Variants in CD226 observed in about 807,000 individuals in gnomAD.
CD226 encodes CD226 molecule.
Under a neutral mutation model 34.9 loss-of-function variants are expected in CD226, and 24 were observed. The ratio of observed to expected loss-of-function variants is 0.69; its 90% CI spans 0.50 to 0.97. The LOEUF (loss-of-function observed/expected upper bound fraction) is 0.97. Ranked by LOEUF, CD226 falls within the 50% of genes least tolerant of loss-of-function variation. The probability of loss-of-function intolerance (pLI) is 0.00; values close to 1 mark genes in which losing one functional copy is unlikely to be tolerated. For synonymous variants in CD226, 148 were observed against 147.4 expected (o/e 1.00, Z -0.03); for missense variants, 397 against 412.7 (o/e 0.96, Z 0.33).
upstream of CD226, chr18:69,957,304 T>A (rs1279709147): frequency 6.6e-6 from 1 of 152,114 alleles, no homozygotes; most frequent in Non-Finnish European, 1.5e-5. Context: ...GGCTTCCTTA[T>A]CTCTGCCCAT....
upstream of CD226, among the ~76,000 whole-genome samples, chr18:69,948,697 AGTT>A (rs2055820927): frequency 6.6e-6 from 1 of 152,164 alleles, no homozygotes; most frequent in East Asian, 1.9e-4. Flanking sequence ...TTGTGCCTCT[AGTT>A]GTTTTGTGAT....
intron 3 of CD226, among the ~76,000 whole-genome samples, chr18:69,876,619 C>T (rs554501304): frequency 6.6e-6 from 1 of 152,276 alleles, no homozygotes; most frequent in Non-Finnish European, 1.5e-5. Context: ...TGTTTTTTCT[C>T]TGCTCTCACA....
chr18:69,919,937 C>CA (rs1216729155), intron 2 of CD226, among the ~76,000 whole-genome samples: 2 of 150,506 alleles, frequency 1.3e-5, no homozygotes, highest in Admixed American at 1.3e-4. Flanking sequence ...AATCACAGGT[C>CA]ACTGAAGCCC....
chr18:69,934,462 T>C (rs1350400463), intron 2 of CD226, among the ~76,000 whole-genome samples: 1 of 152,220 alleles, frequency 6.6e-6, no homozygotes, highest in Non-Finnish European at 1.5e-5. Context: ...TTCTGCTCAT[T>C]AAATGGTGCA....
Position 69,863,363 on chromosome 18 carries a change from T to A in CD226, c.*951A>T, listed in dbSNP as rs910995958. ...GACAAAATATGTCCAAAACATTAAG[T>A]TATTTATTATTCGACTATCTACTAC... On this transcript the variant is annotated 3_prime_UTR_variant, in exon 6 of 6. Coordinates refer to ENST00000582621, the MANE Select transcript of CD226 (RefSeq NM_001303618.2). The A allele has an allele frequency of 1.3e-5, 2 of 152,138 alleles. No homozygotes were observed. The highest frequency in any genetic ancestry group is 2.9e-5 in the Non-Finnish European group (2 of 68,022). 9.4% of individuals were successfully genotyped at this position (152,138 alleles called of 1,614,324 possible). A position where few individuals can be genotyped will look rare whatever the true frequency, so the allele number is the denominator to read the frequency against.
chr18:69,946,193 A>G (rs2055788779), intron 2 of CD226, among the ~76,000 whole-genome samples: 1 of 144,512 alleles, frequency 6.9e-6, no homozygotes, highest in Admixed American at 7.5e-5. Context: ...AAAAAAAAAA[A>G]AAAAAAAAAA....
At chr18:69,900,663 C>T (rs1481946831) in intron 2 of CD226, among the ~76,000 whole-genome samples, 3 of 145,088 alleles carry the variant, frequency 2.1e-5, no homozygotes, top group South Asian at 4.4e-4. Flanking sequence ...ACCCGGGAGG[C>T]GGAGCTTGCA....
intron 2 of CD226, among the ~76,000 whole-genome samples, chr18:69,930,169 T>A (rs553703904): frequency 4.6e-5 from 7 of 152,226 alleles, no homozygotes; most frequent in East Asian, 3.9e-4. Context: ...AAATATTTTT[T>A]AAAAAATACA....
At chr18:69,891,017 C>CAAAAA (rs60491291) in intron 3 of CD226, among the ~76,000 whole-genome samples, 4 of 110,870 alleles carry the variant, frequency 3.6e-5, no homozygotes, top group South Asian at 3.0e-4. Flanking sequence ...AAAGACACCA[C>CAAAAA]AAAAAAAAAA....
intron 2 of CD226, among the ~76,000 whole-genome samples, chr18:69,926,929 T>C (rs1030341166): frequency 1.9e-4 from 29 of 152,170 alleles, no homozygotes; most frequent in African/African-American, 6.5e-4. Flanking sequence ...ACCAAAACAA[T>C]AGATAGCAGG....
At chr18:69,868,079 A>G (rs543986150) in intron 4 of CD226, among the ~76,000 whole-genome samples, 39 of 152,208 alleles carry the variant, frequency 2.6e-4, no homozygotes, top group Non-Finnish European at 2.8e-4. Context: ...CACAGTATTC[A>G]ATAAACGCTC....
At chr18:69,922,772 C>T (rs1332679177) in intron 2 of CD226, among the ~76,000 whole-genome samples, 1 of 152,182 alleles carries the variant, frequency 6.6e-6, no homozygotes, top group Non-Finnish European at 1.5e-5. Context: ...CCCAATTCCA[C>T]CCTCATACAG....
chr18:69,873,575 A>C (rs1983677537), intron 3 of CD226, among the ~76,000 whole-genome samples: 2 of 152,152 alleles, frequency 1.3e-5, no homozygotes, highest in Admixed American at 1.3e-4. Context: ...TAGAAAAAAA[A>C]AAACTATTAA....
rs931227396 is a variant in CD226, at chr18:69,860,773, A to T, written c.*3541T>A. ...TAATAGTAGCTAAACTAATGATGACATGTTTATATTGTCTTATATTTTTTA... is the reference window on the plus strand; with the variant it reads ...TAATAGTAGCTAAACTAATGATGACTTGTTTATATTGTCTTATATTTTTTA... On this transcript the variant is annotated 3_prime_UTR_variant, in exon 6 of 6. Transcript: ENST00000582621. The T allele has an allele frequency of 3.3e-5, 5 of 152,124 alleles. No individual in the cohort carries two copies. The highest frequency in any genetic ancestry group is 1.3e-4 in the Admixed American group (2 of 15,278). 9.4% of individuals were successfully genotyped at this position (152,124 alleles called of 1,614,324 possible).
At chr18:69,894,134 G>A (rs1490295530) in intron 3 of CD226, among the ~76,000 whole-genome samples, 4 of 151,058 alleles carry the variant, frequency 2.6e-5, no homozygotes, top group Admixed American at 1.3e-4. Flanking sequence ...AGATGGAAGA[G>A]AGTGAGGGAG....
At chr18:69,961,366 C>G (rs1329333098), upstream of CD226, among the ~76,000 whole-genome samples, 1 of 152,178 alleles carries the variant, frequency 6.6e-6, no homozygotes. Context: ...ATTTTATACT[C>G]TTTTACATTA....
intron 2 of CD226, among the ~76,000 whole-genome samples, chr18:69,904,466 C>T (rs959916403): frequency 2.6e-5 from 4 of 152,204 alleles, no homozygotes; most frequent in Non-Finnish European, 4.4e-5. Flanking sequence ...GGGGCAGCTC[C>T]GTGGAGCTCC....
chr18:69,936,381 C>T (rs1421603424), intron 2 of CD226, among the ~76,000 whole-genome samples: 1 of 152,214 alleles, frequency 6.6e-6, no homozygotes. Flanking sequence ...TGGTAACCAT[C>T]CACTTTCAGT....
rs1257135346 is a variant in CD226, at chr18:69,946,205, A to G, written c.382+529T>C. ...CAAAAAAAAAAAAAAAAAAAAAAAA[A>G]AAAGAAGGAAGAAGAAAGAAAGACA... is the stretch of plus-strand genomic sequence containing the variant. On this transcript the variant is annotated intron_variant, in intron 2 of 5. Transcript: ENST00000582621. Among the ~76,000 whole-genome samples the G allele has an allele frequency of 2.3e-4, 34 of 148,342 alleles. 1 individual carries two copies. Among genetic ancestry groups the G allele is most frequent in the African/African-American group, 8.2e-4 (33 of 40,142 alleles).
Sources: gnomAD v4.1 joint callset for allele counts (sites outside exome capture counted in the v4.1 genomes callset) on GRCh38, gnomAD v4.1.1 for gene constraint, MANE v1.5 for transcripts, NCBI Gene and HGNC (gene_info 2026-07-23, HGNC 2026-07-21) for gene names.